Variants in PON1 observed in about 807,000 individuals in gnomAD.
PON1 encodes the protein serum paraoxonase/arylesterase 1.
Under a neutral mutation model 39.2 loss-of-function variants are expected in PON1, and 37 were observed. That is an observed-to-expected ratio of 0.94 (90% CI 0.73 to 1.24). The LOEUF (loss-of-function observed/expected upper bound fraction) is 1.24, where lower values mean the gene tolerates loss of function less well. Ranked by LOEUF, PON1 falls within the 50% of genes most tolerant of loss-of-function variation. PON1 has a pLI of 0.00. For synonymous variants in PON1, 148 were observed against 152.2 expected, an observed-to-expected ratio of 0.97 and a Z score of 0.21; for missense variants, 397 against 413.5, an observed-to-expected ratio of 0.96 and a Z score of 0.35.
At position 95,298,117 on chromosome 7, in the gene PON1, A is replaced by G. The variant is rs1302875161; in HGVS notation, c.*827T>C. The G allele has an allele frequency of 6.6e-6, 1 of 152,160 alleles. No homozygotes were observed. Among genetic ancestry groups the G allele is most frequent in the Admixed American group, 6.5e-5 (1 of 15,274 alleles). The allele number at this position is 152,160 out of a possible 1,614,324, so 9.4% of individuals were successfully genotyped here. ...CACCAGCACTACCACCACCTCAACA[A>G]CAGTGTAGTCTTTGGGGACACTTTT... On this transcript the variant is annotated 3_prime_UTR_variant, in exon 9 of 9. Coordinates refer to ENST00000222381, the MANE Select transcript of PON1 (RefSeq NM_000446.7).
At chr7:95,306,503 A>C in intron 6 of PON1, 137 bp from the exon 7 acceptor site, 2 of 705,792 alleles carry the variant, frequency 2.8e-6, no homozygotes, top group African/African-American at 1.8e-5. Context: ...AACACACCAA[A>C]TTCTGAAAGA....
chr7:95,315,339 C>G lies in PON1; in HGVS notation c.353G>C (p.Ser118Thr). 6.2e-7 allele frequency: 1 copy of G among 1,613,354 alleles called. No homozygotes were observed. Among genetic ancestry groups the G allele is most frequent in the South Asian group, 1.1e-5 (1 of 91,064 alleles). ...DVSSFNPHGI[S>T]TFTDEDNAMY... ...ATTGTTACCTTCATCTGTGAATGTGCTAATCCCATGAGGGTTAAATGAAGA... is the reference window on the plus strand; with the variant it reads ...ATTGTTACCTTCATCTGTGAATGTGGTAATCCCATGAGGGTTAAATGAAGA... The change falls in exon 4 of 9, where the codon AGC (serine) becomes ACC (threonine). Residue 118 changes from serine (S) to threonine (T), a missense_variant. By Grantham distance (58) the Ser-to-Thr change is moderately conservative (BLOSUM62 1). Coordinates refer to ENST00000222381, the MANE Select transcript of PON1 (RefSeq NM_000446.7).
At chr7:95,323,451 A>T (rs1233441490) in intron 1 of PON1, among the ~76,000 whole-genome samples, 3 of 152,174 alleles carry the variant, frequency 2.0e-5, no homozygotes, top group Non-Finnish European at 4.4e-5. Context: ...AATAAATAGT[A>T]AAAACCCATT....
In PON1 at chr7:95,302,098, A is replaced by C. The variant is rs1807440919; in HGVS notation, c.909+107T>G. ...GGCGACAGAGCGATACTCTGTCACAAAAAAAAAAAAAAAAAAAAAAAAACC... is the reference window on the plus strand; with the variant it reads ...GGCGACAGAGCGATACTCTGTCACACAAAAAAAAAAAAAAAAAAAAAAACC... On this transcript the variant is annotated intron_variant, in intron 8 of 8. Transcript: ENST00000222381. 2.3e-5 allele frequency: 7 copies of C among 310,502 alleles called. 1 individual carries two copies. Among genetic ancestry groups the C allele is most frequent in the Middle Eastern group, 2.5e-3 (2 of 802 alleles). The allele number at this position is 310,502 out of a possible 1,614,324, so 19.2% of individuals were successfully genotyped here.
At chr7:95,307,073 T>TTA (rs1807559629) in intron 6 of PON1, among the ~76,000 whole-genome samples, 1 of 71,650 alleles carries the variant, frequency 1.4e-5, no homozygotes, top group Non-Finnish European at 2.8e-5. Context: ...TTTTTTTTTT[T>TTA]AAAAAAAAAC....
intron 8 of PON1, among the ~76,000 whole-genome samples, chr7:95,300,984 CTT>C (rs201687198): frequency 6.8e-6 from 1 of 147,414 alleles, no homozygotes. Flanking sequence ...ACATTTGTTT[CTT>C]TTTTTTTTAA....
chr7:95,316,786 GT>G lies in PON1; in HGVS notation c.148del (p.Thr50LeufsTer20). The G allele has an allele frequency of 6.2e-7, 1 of 1,612,306 alleles. No homozygotes were observed. The highest frequency in any genetic ancestry group is 8.5e-7 in the Non-Finnish European group (1 of 1,178,404). Reference protein sequence around the residue: ...PNCNLVKGIETGSEDLEILPN... With the variant: ...PNCNLVKGIEXGSEDLEILPN... ...CAGTATCTCCAAGTCTTCAGAGCCAGTTTCTGCCAGAAAAGAGAACAGAAAG... is the reference window on the plus strand; with the variant it reads ...CAGTATCTCCAAGTCTTCAGAGCCAGTTCTGCCAGAAAAGAGAACAGAAAG... On this transcript the variant is annotated frameshift_variant and splice_region_variant, in exon 3 of 9. Coordinates refer to ENST00000222381, the MANE Select transcript of PON1 (RefSeq NM_000446.7). LOFTEE classifies it high-confidence loss of function.
rs542911575 is a variant in PON1, at chr7:95,324,341, C to T, written c.74+61G>A. The T allele has an allele frequency of 1.0e-5, 16 of 1,526,502 alleles. No homozygotes were observed. In the East Asian group the frequency reaches 3.2e-4, roughly 30 times the overall value. 94.6% of individuals were successfully genotyped at this position (1,526,502 alleles called of 1,614,324 possible). A position where few individuals can be genotyped will look rare whatever the true frequency, so the allele number is the denominator to read the frequency against. ...GCCTGGACCCAACTTTCTGGGGGCT[C>T]GTGGAGCTGGCAGGGAGTGAGGAGG... On this transcript the variant is annotated intron_variant, in intron 1 of 8. Coordinates refer to ENST00000222381, the MANE Select transcript of PON1 (RefSeq NM_000446.7).
At chr7:95,322,001 C>G (rs2116328888) in intron 1 of PON1, among the ~76,000 whole-genome samples, 1 of 152,174 alleles carries the variant, frequency 6.6e-6, no homozygotes, top group South Asian at 2.1e-4. Context: ...TAACCTCCAG[C>G]AGAAACACAA....
intron 1 of PON1, among the ~76,000 whole-genome samples, chr7:95,319,062 C>A (rs1159032347): frequency 6.6e-6 from 1 of 150,970 alleles, no homozygotes. Context: ...CTGAGCAGAG[C>A]GAAGCTACTG....
intron 7 of PON1, among the ~76,000 whole-genome samples, chr7:95,302,906 A>G (rs1235114680): frequency 6.6e-6 from 1 of 152,066 alleles, no homozygotes; most frequent in African/African-American, 2.4e-5. Flanking sequence ...TCTGCTGTTT[A>G]TTCTCTAAAT....
rs377743500 is a variant in PON1 at position 95,324,483 on chromosome 7, G to A, written c.-8C>T. On this transcript the variant is annotated 5_prime_UTR_variant, in exon 1 of 9. Coordinates refer to ENST00000222381, the MANE Select transcript of PON1 (RefSeq NM_000446.7). ...CGCAATCAGCTTCGCCATGGTCGGGGATAGACAAAGGGATCGATGGGCGCA... is the reference window on the plus strand; with the variant it reads ...CGCAATCAGCTTCGCCATGGTCGGGAATAGACAAAGGGATCGATGGGCGCA... 1.5e-5 allele frequency: 24 copies of A among 1,613,740 alleles called. No individual in the cohort carries two copies. Among genetic ancestry groups the A allele is most frequent in the Middle Eastern group, 1.6e-4 (1 of 6,084 alleles).
chr7:95,322,286 T>TAC lies in PON1; in HGVS notation c.74+2114_74+2115dup, dbSNP rs1248407662. 3.8e-4 allele frequency among the ~76,000 whole-genome samples: 47 copies of TAC among 125,020 alleles called. No homozygotes were observed. The South Asian group carries it at 0.012, about 31-fold the overall frequency. The allele number at this position is 125,020 out of a possible 152,430, so 82.0% of individuals were successfully genotyped here. On this transcript the variant is annotated intron_variant, in intron 1 of 8. Coordinates refer to ENST00000222381, the MANE Select transcript of PON1 (RefSeq NM_000446.7). ...TGCCTGATTTTTATATATATATATA[T>TAC]ACTTAGTTTTATTTATATGTTTTAT...
At chr7:95,313,811 T>G (rs3917509) in intron 4 of PON1, among the ~76,000 whole-genome samples, 7,687 of 152,090 alleles carry the variant, frequency 0.051, 237 homozygotes, top group African/African-American at 0.091. Flanking sequence ...AGAAGAATAA[T>G]AATACCCCTA....
At chr7:95,305,428 AT>A (rs1459052934) in intron 7 of PON1, among the ~76,000 whole-genome samples, 1 of 152,174 alleles carries the variant, frequency 6.6e-6, no homozygotes, top group Admixed American at 6.5e-5. Context: ...TTTAACAAGT[AT>A]TTGTTAAGTG....
chr7:95,318,085 CTT>C (rs11343146), intron 2 of PON1, among the ~76,000 whole-genome samples: 709 of 131,086 alleles, frequency 5.4e-3, no homozygotes, highest in African/African-American at 7.5e-3. Flanking sequence ...TTCTTTTTTT[CTT>C]TTTTTTTTTT....
chr7:95,317,049 C>T (rs1006962307), intron 2 of PON1, among the ~76,000 whole-genome samples: 17 of 152,132 alleles, frequency 1.1e-4, no homozygotes, highest in Admixed American at 6.5e-5. Context: ...GCTTTTTCCT[C>T]AAAGACTGAA....
At chr7:95,308,602 T>A (rs994601194) in intron 5 of PON1, among the ~76,000 whole-genome samples, 3 of 152,096 alleles carry the variant, frequency 2.0e-5, no homozygotes, top group African/African-American at 7.2e-5. Context: ...TGCTCACATA[T>A]CTGGGCTCAC....
At position 95,310,956 on chromosome 7, in the gene PON1, C is replaced by T. The variant is rs148196542; in HGVS notation, c.497+495G>A. ...GGTGCCTAGGGGGAATTGAGTGTTA[C>T]CACAGATCTGCTATTGCATAAATTT... On this transcript the variant is annotated intron_variant, in intron 5 of 8. Coordinates refer to ENST00000222381, the MANE Select transcript of PON1 (RefSeq NM_000446.7). 1.9e-3 allele frequency among the ~76,000 whole-genome samples: 288 copies of T among 152,204 alleles called. 1 individual carries two copies. Among genetic ancestry groups the T allele is most frequent in the African/African-American group, 6.8e-3 (283 of 41,514 alleles).
Sources: allele counts gnomAD v4.1 joint callset (sites outside exome capture counted in the v4.1 genomes callset), GRCh38; gene constraint gnomAD v4.1.1; transcripts MANE v1.5; gene names NCBI Gene and HGNC (gene_info 2026-07-23, HGNC 2026-07-21).